Variants in POLR1F observed in about 807,000 individuals in gnomAD.
The protein encoded by POLR1F is DNA-directed RNA polymerase I subunit RPA43.
In POLR1F, 23 loss-of-function variants were observed where a neutral mutation model predicts 21.8. The ratio of observed to expected loss-of-function variants is 1.05; its 90% CI spans 0.76 to 1.49. The LOEUF is 1.49. Ranked by LOEUF, POLR1F falls within the 40% of genes most tolerant of loss-of-function variation. The pLI, the probability that POLR1F is intolerant of heterozygous loss-of-function variation, is 0.00. For synonymous variants in POLR1F, 162 were observed against 152.8 expected (o/e 1.06, Z -0.45); for missense variants, 435 against 412.1 (o/e 1.06, Z -0.48).
chr7:19,703,706 T>C (rs551630141), intron 2 of POLR1F, among the ~76,000 whole-genome samples: 2 of 152,240 alleles, frequency 1.3e-5, no homozygotes, highest in South Asian at 4.1e-4. Context: ...GTGATCCTCC[T>C]ACCCCAGCCT....
rs541648345 is a variant in POLR1F at position 19,701,722 on chromosome 7, G to T, written c.397-1442C>A. On this transcript the variant is annotated intron_variant, in intron 2 of 3. Coordinates refer to ENST00000222567, the MANE Select transcript of POLR1F (RefSeq NM_001002926.2). ...TAACCTTTAAGTCAGATGGCCTCTGGGGGGGCAGGGATATTGCCCCCAGTG... is the reference window on the plus strand; with the variant it reads ...TAACCTTTAAGTCAGATGGCCTCTGTGGGGGCAGGGATATTGCCCCCAGTG... 7.7e-4 allele frequency among the ~76,000 whole-genome samples: 117 copies of T among 152,180 alleles called. 1 individual carries two copies. In the South Asian group the frequency reaches 0.019, roughly 24 times the overall value.
Position 19,708,871 on chromosome 7 carries a change from A to G in POLR1F, c.146T>C (p.Val49Ala), listed in dbSNP as rs139054853. 6.2e-7 allele frequency: 1 copy of G among 1,614,176 alleles called. No homozygotes were observed. Among genetic ancestry groups the G allele is most frequent in the South Asian group, 1.1e-5 (1 of 91,082 alleles). Residue 49 changes from valine to alanine, a missense_variant, in exon 1 of 4, where the codon GTG becomes GCG. Coordinates refer to ENST00000222567, the MANE Select transcript of POLR1F (RefSeq NM_001002926.2). ...ALVNSRYSCL[V>A]AGPHQRHIAL... Reference sequence around the variant, plus strand: ...GATGTGCCTTTGGTGCGGCCCGGCCACCAGGCATGAGTAGCGACTGTTCAC... The same window carrying G: ...GATGTGCCTTTGGTGCGGCCCGGCCGCCAGGCATGAGTAGCGACTGTTCAC...
Position 19,696,097 on chromosome 7 carries a change from G to C in POLR1F, c.*2219C>G, listed in dbSNP as rs1221391884. The C allele has an allele frequency of 1.3e-5, 2 of 152,060 alleles. No homozygotes were observed. The highest frequency in any genetic ancestry group is 1.5e-5 in the Non-Finnish European group (1 of 67,956). 9.4% of individuals were successfully genotyped at this position (152,060 alleles called of 1,614,324 possible). A position where few individuals can be genotyped will look rare whatever the true frequency, so the allele number is the denominator to read the frequency against. Reference sequence around the variant, plus strand: ...AGTCTAGGCTATAGGGTTTGTATGAGCAAATTCCAAGATAGAAAAGATAGA... The same window carrying C: ...AGTCTAGGCTATAGGGTTTGTATGACCAAATTCCAAGATAGAAAAGATAGA... On this transcript the variant is annotated 3_prime_UTR_variant, in exon 4 of 4. Transcript: ENST00000222567.
Position 19,698,657 on chromosome 7 carries a change from G to GT in POLR1F, c.675dup (p.Pro226ThrfsTer2). 1 of 1,590,480 alleles carries GT rather than the reference G, an allele frequency of 6.3e-7. No individual in the cohort carries two copies. Among genetic ancestry groups the GT allele is most frequent in the Non-Finnish European group, 8.5e-7 (1 of 1,173,902 alleles). On this transcript the variant is annotated frameshift_variant, in exon 4 of 4. Transcript: ENST00000222567. LOFTEE classifies it low-confidence loss of function (END_TRUNC). ...TCTTTCTTCTTTTTCTTCTTTTTAG[G>GT]TTTTTTAGCAGCTTCCTCAGTGCCA...
chr7:19,708,616 G>A (rs1053543275), intron 1 of POLR1F, 147 bp downstream of exon 1: 2 of 1,089,026 alleles, frequency 1.8e-6, no homozygotes, highest in Non-Finnish European at 2.6e-6. Context: ...GGCCTTGAGG[G>A]ACGGATCGCG....
In POLR1F at chr7:19,698,303, T is replaced by C. The variant is rs367562315; in HGVS notation, c.*13A>G. Reference sequence around the variant, plus strand: ...GATCGATCTTTTAAAAACTGAATCGTGTTTAAAATACACTAAAGAAAATTA... The same window carrying C: ...GATCGATCTTTTAAAAACTGAATCGCGTTTAAAATACACTAAAGAAAATTA... On this transcript the variant is annotated 3_prime_UTR_variant, in exon 4 of 4. Coordinates refer to ENST00000222567, the MANE Select transcript of POLR1F (RefSeq NM_001002926.2). 1.3e-5 allele frequency: 20 copies of C among 1,534,802 alleles called. No homozygotes were observed. The African/African-American group carries it at 1.8e-4, about 14-fold the overall frequency.
intron 1 of POLR1F, among the ~76,000 whole-genome samples, chr7:19,706,314 G>T (rs901620153): frequency 6.6e-6 from 1 of 152,096 alleles, no homozygotes; most frequent in Non-Finnish European, 1.5e-5. Flanking sequence ...TAGGGACACA[G>T]AAAACAGAGA....
At chr7:19,701,819 C>A (rs960496481) in intron 2 of POLR1F, among the ~76,000 whole-genome samples, 1 of 152,032 alleles carries the variant, frequency 6.6e-6, no homozygotes, top group African/African-American at 2.4e-5. Flanking sequence ...TGTTAATTAT[C>A]CAAAAGTGTG....
chr7:19,707,648 C>G (rs1208118191), intron 1 of POLR1F, among the ~76,000 whole-genome samples: 1 of 152,166 alleles, frequency 6.6e-6, no homozygotes, highest in African/African-American at 2.4e-5. Flanking sequence ...TCAAAGGTCC[C>G]AAGATCCAAA....
rs1783362994 is a variant in POLR1F at position 19,696,285 on chromosome 7, GTGAAAAA to G, written c.*2024_*2030del. The G allele has an allele frequency of 1.3e-5, 2 of 152,166 alleles. No individual in the cohort carries two copies. The highest frequency in any genetic ancestry group is 4.8e-5 in the African/African-American group (2 of 41,542). 9.4% of individuals were successfully genotyped at this position (152,166 alleles called of 1,614,324 possible). A position where few individuals can be genotyped will look rare whatever the true frequency, so the allele number is the denominator to read the frequency against. ...CTGACTTTTCAAAACTACTCACATT[GTGAAAAA>G]AGCAGGAACAAATCTAGTTTCAAGT... On this transcript the variant is annotated 3_prime_UTR_variant, in exon 4 of 4. Coordinates refer to ENST00000222567, the MANE Select transcript of POLR1F (RefSeq NM_001002926.2).
intron 1 of POLR1F, among the ~76,000 whole-genome samples, chr7:19,705,612 T>A (rs559056435): frequency 5.3e-4 from 80 of 152,340 alleles, no homozygotes; most frequent in African/African-American, 1.7e-3. Flanking sequence ...ACTTCAACTG[T>A]TGATAGTAAA....
At position 19,696,744 on chromosome 7, in the gene POLR1F, GTTTTA is replaced by G. The variant is rs1285252220; in HGVS notation, c.*1567_*1571del. On this transcript the variant is annotated 3_prime_UTR_variant, in exon 4 of 4. Coordinates refer to ENST00000222567, the MANE Select transcript of POLR1F (RefSeq NM_001002926.2). Reference sequence around the variant, plus strand: ...AAATAAACTGAGAAAGGCTAAAATTGTTTTATTTAAGCCACTATACCAAGACATAT... The same window carrying G: ...AAATAAACTGAGAAAGGCTAAAATTGTTTAAGCCACTATACCAAGACATAT... 3.3e-5 allele frequency: 5 copies of G among 151,918 alleles called. No individual in the cohort carries two copies. The highest frequency in any genetic ancestry group is 1.2e-4 in the African/African-American group (5 of 41,392). The allele number at this position is 151,918 out of a possible 1,614,324, so 9.4% of individuals were successfully genotyped here.
At position 19,698,340 on chromosome 7, in the gene POLR1F, T is replaced by G. The variant is rs781117301; in HGVS notation, c.993A>C (p.Arg331Ser). The G allele has an allele frequency of 2.5e-6, 4 of 1,569,736 alleles. No homozygotes were observed. In the South Asian group the frequency reaches 4.8e-5, roughly 19 times the overall value. Reference sequence around the variant, plus strand: ...ACTAAAGAAAATTACTTTTCCCTTTTCTTTTTGGTGAGCATTTCAAAGGTG... The same window carrying G: ...ACTAAAGAAAATTACTTTTCCCTTTGCTTTTTGGTGAGCATTTCAAAGGTG... ...FTPPLKCSPK[R>S]KGKSNFL Residue 331 changes from arginine (R) to serine (S), a missense_variant, in exon 4 of 4, where the codon AGA (arginine) becomes AGC (serine). Transcript: ENST00000222567.
intron 2 of POLR1F, among the ~76,000 whole-genome samples, chr7:19,702,290 T>TA (rs1274736986): frequency 3.9e-5 from 6 of 152,176 alleles, no homozygotes; most frequent in Non-Finnish European, 8.8e-5. Flanking sequence ...AAACTGCTGT[T>TA]AAAAATATGT....
At chr7:19,698,778 G>A in intron 3 of POLR1F, 51 bp from the exon 4 acceptor site, 1 of 1,422,388 alleles carries the variant, frequency 7.0e-7, no homozygotes, top group Non-Finnish European at 9.3e-7. Flanking sequence ...AAAAAACAAA[G>A]AACAAATTGA....
chr7:19,700,144 T>G lies in POLR1F; in HGVS notation c.533A>C (p.Glu178Ala). 6.2e-7 allele frequency: 1 copy of G among 1,613,966 alleles called. No homozygotes were observed. The highest frequency in any genetic ancestry group is 8.5e-7 in the Non-Finnish European group (1 of 1,179,850). Residue 178 changes from glutamate (E) to alanine (A), a missense_variant, in exon 3 of 4, where the codon GAA becomes GCA. Transcript: ENST00000222567. ...TGAGTCTAAACGAAATACTTCAAAT[T>G]CTAGTTCATCACCCATGTTTATCTC... ...TMEINMGDEL[E>A]FEVFRLDSDA...
chr7:19,702,523 T>C (rs142404196), intron 2 of POLR1F, among the ~76,000 whole-genome samples: 50 of 152,298 alleles, frequency 3.3e-4, no homozygotes, highest in African/African-American at 1.2e-3. Context: ...ATTTCTTTGA[T>C]AGGGTCCAGA....
At chr7:19,703,794 A>C (rs1783478441) in intron 2 of POLR1F, among the ~76,000 whole-genome samples, 1 of 152,016 alleles carries the variant, frequency 6.6e-6, no homozygotes, top group African/African-American at 2.4e-5. Context: ...AGGTCTCACT[A>C]TGTTGCCCAC....
chr7:19,702,037 C>T (rs960653945), intron 2 of POLR1F, among the ~76,000 whole-genome samples: 1 of 152,064 alleles, frequency 6.6e-6, no homozygotes, highest in Non-Finnish European at 1.5e-5. Flanking sequence ...GCAGCTAATG[C>T]CCTCTTGTGA....
Sources: gnomAD v4.1 joint callset for allele counts (sites outside exome capture counted in the v4.1 genomes callset) on GRCh38, gnomAD v4.1.1 for gene constraint, MANE v1.5 for transcripts, NCBI Gene and HGNC (gene_info 2026-07-23, HGNC 2026-07-21) for gene names.